SLIT3: variants seen among roughly 807,000 people sequenced by gnomAD.
SLIT3 encodes the protein slit homolog 3 protein.
Under a neutral mutation model 184.0 loss-of-function variants are expected in SLIT3, and 68 were observed. That is an observed-to-expected ratio of 0.37 (90% confidence interval 0.30 to 0.45). SLIT3 has a LOEUF of 0.45. Among genes scored for constraint, SLIT3 ranks in the 20% least tolerant of loss-of-function variants. SLIT3 has a pLI of 1.00. For synonymous variants in SLIT3, 831 were observed against 828.6 expected, an observed-to-expected ratio of 1.00 and a Z score of -0.05; for missense variants, 1,707 against 2,026.0, an observed-to-expected ratio of 0.84 and a Z score of 3.02.
At chr5:169,051,987 A>G (rs148523126) in intron 4 of SLIT3, among the ~76,000 whole-genome samples, 2 of 152,332 alleles carry the variant, frequency 1.3e-5, no homozygotes, top group Non-Finnish European at 2.9e-5. Context: ...AAAACTTCAC[A>G]GGACCAGAAG....
rs199921593 is a variant in SLIT3, at chr5:168,671,466, C to A, written c.3859G>T (p.Gly1287Cys). The A allele has an allele frequency of 6.2e-7, 1 of 1,611,010 alleles. No homozygotes were observed. The highest frequency in any genetic ancestry group is 8.5e-7 in the Non-Finnish European group (1 of 1,178,840). Residue 1287 changes from glycine to cysteine, a missense_variant, in exon 34 of 36, where the codon GGC becomes TGC. Physicochemically the swap from Gly to Cys is radical, Grantham distance 159. This residue lies in a region of SLIT3 where 387 missense variants were observed against 477.9 expected (regional missense o/e 0.81). Transcript: ENST00000519560. Reference protein sequence around the residue: ...LYLGGIPTSTGLSALRQGTDR... With the variant: ...LYLGGIPTSTCLSALRQGTDR... Reference sequence around the variant, plus strand: ...GTGCCCTGGCGCAAGGCAGAGAGGCCGGTGGAGGTGGGGATGCCTGTGGGA... The same window carrying A: ...GTGCCCTGGCGCAAGGCAGAGAGGCAGGTGGAGGTGGGGATGCCTGTGGGA...
chr5:168,755,804 C>T (rs1754926407), intron 16 of SLIT3, among the ~76,000 whole-genome samples: 1 of 152,156 alleles, frequency 6.6e-6, no homozygotes. Flanking sequence ...TGCATGCTGA[C>T]ATCCTGCACA....
intron 1 of SLIT3, among the ~76,000 whole-genome samples, chr5:169,270,395 G>T (rs972120566): frequency 1.3e-5 from 2 of 152,162 alleles, no homozygotes; most frequent in Non-Finnish European, 2.9e-5. Context: ...TGGGAGCCAA[G>T]AATGGTTTTT....
chr5:168,730,824 A>G (rs1291471579), intron 20 of SLIT3, among the ~76,000 whole-genome samples: 1 of 152,062 alleles, frequency 6.6e-6, no homozygotes, highest in Non-Finnish European at 1.5e-5. Flanking sequence ...AAACTAGAAA[A>G]AGAAGAACAA....
intron 16 of SLIT3, among the ~76,000 whole-genome samples, chr5:168,760,529 C>T (rs1370837949): frequency 6.6e-6 from 1 of 152,162 alleles, no homozygotes; most frequent in Non-Finnish European, 1.5e-5. Context: ...TACCCGTGCC[C>T]CATTGCTAGT....
chr5:168,691,532 C>T lies in SLIT3; in HGVS notation c.3176+1075G>A, dbSNP rs1761905523. On this transcript the variant is annotated intron_variant, in intron 29 of 35. Coordinates refer to ENST00000519560, the MANE Select transcript of SLIT3 (RefSeq NM_003062.4). ...TTCTGGCCCCAGAGGCTGGAGATGC[C>T]ACTGGTGGGCATTCTCCTTAAAGAC... 2.0e-5 allele frequency among the ~76,000 whole-genome samples: 3 copies of T among 152,336 alleles called. No individual in the cohort carries two copies. In the South Asian group the frequency reaches 6.2e-4, roughly 32 times the overall value.
intron 4 of SLIT3, chr5:169,012,531 G>C (rs1160722602): frequency 6.6e-6 from 1 of 152,178 alleles, no homozygotes; most frequent in South Asian, 2.1e-4. Context: ...ATTTTATTAA[G>C]GGCCTCGTTA....
intron 4 of SLIT3, among the ~76,000 whole-genome samples, chr5:169,075,811 G>A (rs929915683): frequency 2.0e-5 from 3 of 152,202 alleles, no homozygotes; most frequent in African/African-American, 7.2e-5. Context: ...ACTTTCTCCA[G>A]CCATGCTAGT....
chr5:168,703,004 C>T (rs1007625623), intron 26 of SLIT3, among the ~76,000 whole-genome samples: 4 of 152,150 alleles, frequency 2.6e-5, no homozygotes, highest in African/African-American at 9.7e-5. Flanking sequence ...CCCTTTACGC[C>T]AAGCACAGAA....
chr5:169,158,685 G>A (rs1377668236), intron 4 of SLIT3, among the ~76,000 whole-genome samples: 2 of 152,090 alleles, frequency 1.3e-5, no homozygotes, highest in Non-Finnish European at 2.9e-5. Flanking sequence ...TAATAGGGGA[G>A]GGCAAAGGAA....
chr5:169,000,565 G>A (rs955764237), intron 4 of SLIT3, among the ~76,000 whole-genome samples: 8 of 152,024 alleles, frequency 5.3e-5, no homozygotes, highest in Non-Finnish European at 1.0e-4. Flanking sequence ...ATAATCTTAT[G>A]TAAAACAAAA....
chr5:169,273,333 C>G, intron 1 of SLIT3, among the ~76,000 whole-genome samples: 1 of 152,276 alleles, frequency 6.6e-6, no homozygotes, highest in Non-Finnish European at 1.5e-5. Flanking sequence ...ATCCTCATCT[C>G]AGAGAGAGAG....
At chr5:168,781,376 A>G (rs871098) in intron 12 of SLIT3, among the ~76,000 whole-genome samples, 1 of 152,008 alleles carries the variant, frequency 6.6e-6, no homozygotes, top group African/African-American at 2.4e-5. Flanking sequence ...GTTACCAATC[A>G]GTCCTTTAAG....
rs949154360 is a variant in SLIT3 at position 169,065,319 on chromosome 5, T to TA, written c.413+128159dup. On this transcript the variant is annotated intron_variant, in intron 4 of 35. Transcript: ENST00000519560. ...TAGTGTATCACACAGCCTGCTAGAA[T>TA]AAAAAAAAGAATGATAGAAGAAATA... 7.9e-5 allele frequency among the ~76,000 whole-genome samples: 12 copies of TA among 151,946 alleles called. No homozygotes were observed. In the East Asian group the frequency reaches 1.2e-3, roughly 15 times the overall value.
intron 2 of SLIT3, among the ~76,000 whole-genome samples, chr5:169,247,935 C>T (rs1765652575): frequency 6.6e-6 from 1 of 152,168 alleles, no homozygotes; most frequent in Admixed American, 6.5e-5. Flanking sequence ...TCAAGACCAT[C>T]AAGAAGTTTT....
chr5:168,883,690 C>A (rs535102198), intron 4 of SLIT3, among the ~76,000 whole-genome samples: 1 of 147,876 alleles, frequency 6.8e-6, no homozygotes, highest in Admixed American at 6.7e-5. Flanking sequence ...ATCCCCCCAA[C>A]CCCCACACGG....
intron 4 of SLIT3, among the ~76,000 whole-genome samples, chr5:169,028,641 TG>T (rs1440671062): frequency 6.6e-6 from 1 of 152,274 alleles, no homozygotes; most frequent in Non-Finnish European, 1.5e-5. Context: ...TGCATTTATT[TG>T]CACATGTCCA....
In SLIT3 at chr5:168,884,550, ATATATATATATATATAT is replaced by A. The variant is rs918541746; in HGVS notation, c.414-1231_414-1215del. ...TCTAACTACTGCTACCAATTACGAG[ATATATATATATATATAT>A]ATATATATATATATGAAATTCCACC... On this transcript the variant is annotated intron_variant, in intron 4 of 35. Transcript: ENST00000519560. 9.1e-4 allele frequency among the ~76,000 whole-genome samples: 13 copies of A among 14,324 alleles called. 1 individual carries two copies. Among genetic ancestry groups the A allele is most frequent in the Non-Finnish European group, 1.6e-3 (12 of 7,666 alleles). 9.4% of individuals were successfully genotyped at this position (14,324 alleles called of 152,430 possible).
intron 4 of SLIT3, among the ~76,000 whole-genome samples, chr5:169,052,571 A>G (rs1209002216): frequency 6.6e-6 from 1 of 152,200 alleles, no homozygotes; most frequent in Non-Finnish European, 1.5e-5. Flanking sequence ...TGTCAGAAGA[A>G]CAGGAGGGAA....
Sources: allele counts gnomAD v4.1 joint callset (sites outside exome capture counted in the v4.1 genomes callset), GRCh38; gene constraint gnomAD v4.1.1; regional missense constraint gnomAD v4.1.1; transcripts MANE v1.5; gene names NCBI Gene and HGNC (gene_info 2026-07-23, HGNC 2026-07-21).